Variants in RYR2 observed in about 807,000 individuals in gnomAD.
RYR2 encodes ryanodine receptor 2, also known as cardiac muscle ryanodine receptor-calcium release channel.
In RYR2, 227 loss-of-function variants were observed where a neutral mutation model predicts 601.1. That is an observed-to-expected ratio of 0.38 (90% CI 0.34 to 0.42). The LOEUF (loss-of-function observed/expected upper bound fraction) is 0.42. Among genes scored for constraint, RYR2 ranks in the 10% least tolerant of loss-of-function variants. The pLI, the probability that RYR2 is intolerant of heterozygous loss-of-function variation, is 1.00. For synonymous variants in RYR2, 2,223 were observed against 2,175.1 expected, an observed-to-expected ratio of 1.02 and a Z score of -0.61; for missense variants, 4,646 against 6,156.5, an observed-to-expected ratio of 0.75 and a Z score of 8.21.
chr1:237,390,830 T>C (rs1322413727), intron 10 of RYR2, among the ~76,000 whole-genome samples: 2 of 152,156 alleles, frequency 1.3e-5, no homozygotes, highest in African/African-American at 4.8e-5. Context: ...AACTTATTCT[T>C]AGTATGTAAT....
intron 34 of RYR2, among the ~76,000 whole-genome samples, chr1:237,595,939 G>A (rs1370084130): frequency 6.6e-6 from 1 of 152,022 alleles, no homozygotes; most frequent in Non-Finnish European, 1.5e-5. Flanking sequence ...AGATGCTGCT[G>A]ACATAAATTA....
At position 237,106,175 on chromosome 1, in the gene RYR2, G is replaced by A. The variant is rs919432553; in HGVS notation, c.48+63606G>A. On this transcript the variant is annotated intron_variant, in intron 1 of 104. Coordinates refer to ENST00000366574, the MANE Select transcript of RYR2 (RefSeq NM_001035.3). This position sits in a 1 kb window ranked among gnomAD's most constrained non-coding sequence, Gnocchi z 4.4. ...TCATTGCAATCCTTTGAGCTGAGGG[G>A]TAGCTCGTTCTGATTTTCATTCTGA... Among the ~76,000 whole-genome samples, 4 of 152,168 alleles carry A rather than the reference G, an allele frequency of 2.6e-5. No homozygotes were observed. Among genetic ancestry groups the A allele is most frequent in the Admixed American group, 2.0e-4 (3 of 15,278 alleles).
chr1:237,832,533 A>G lies in RYR2; in HGVS notation c.14809-19A>G. On this transcript the variant is annotated intron_variant, in intron 104 of 104. Transcript: ENST00000366574. ...CACACTTTGGGGAAAATGTTAATACATTTCCTTGACTTTTGCAGGAATCTT... is the reference window on the plus strand; with the variant it reads ...CACACTTTGGGGAAAATGTTAATACGTTTCCTTGACTTTTGCAGGAATCTT... The G allele has an allele frequency of 6.5e-7, 1 of 1,549,696 alleles. No homozygotes were observed. The highest frequency in any genetic ancestry group is 8.9e-7 in the Non-Finnish European group (1 of 1,124,750).
intron 38 of RYR2, among the ~76,000 whole-genome samples, chr1:237,622,583 G>A (rs549967370): frequency 6.6e-6 from 1 of 152,198 alleles, no homozygotes; most frequent in Non-Finnish European, 1.5e-5. Context: ...CTATCTGTGG[G>A]TTCTGCATCT....
intron 40 of RYR2, among the ~76,000 whole-genome samples, chr1:237,626,521 CAA>C (rs1679665661): frequency 1.4e-5 from 2 of 146,270 alleles, no homozygotes; most frequent in East Asian, 4.1e-4. Context: ...AAATTTGAGT[CAA>C]GTTTTCTTTA....
chr1:237,497,641 G>A lies in RYR2; in HGVS notation c.2203+889G>A, dbSNP rs961204333. Among the ~76,000 whole-genome samples the A allele has an allele frequency of 8.9e-4, 136 of 152,236 alleles. 1 individual carries two copies. Among genetic ancestry groups the A allele is most frequent in the African/African-American group, 3.1e-3 (130 of 41,534 alleles). On this transcript the variant is annotated intron_variant, in intron 20 of 104. Coordinates refer to ENST00000366574, the MANE Select transcript of RYR2 (RefSeq NM_001035.3). ...AAAGCTGAACTTTGCCTCATGTGGA[G>A]TACAAATGATAGACATTTATGAATG...
At chr1:237,072,498 T>G (rs1344180875) in intron 1 of RYR2, among the ~76,000 whole-genome samples, 1 of 152,078 alleles carries the variant, frequency 6.6e-6, no homozygotes, top group Non-Finnish European at 1.5e-5. Flanking sequence ...AGAGATTTTT[T>G]CTTTAGTGCA....
At chr1:237,415,632 C>T (rs11581397) in intron 10 of RYR2, among the ~76,000 whole-genome samples, 46,452 of 151,920 alleles carry the variant, frequency 0.31, 7,634 homozygotes, top group East Asian at 0.43. Context: ...GAAAGTCCTC[C>T]AGGACATATG....
chr1:237,646,455 G>A (rs1682167875), intron 48 of RYR2, among the ~76,000 whole-genome samples: 1 of 152,070 alleles, frequency 6.6e-6, no homozygotes, highest in African/African-American at 2.4e-5. Flanking sequence ...TGCATTCACT[G>A]CAGAGCTTCA....
At chr1:237,148,824 T>C (rs1674371393) in intron 1 of RYR2, among the ~76,000 whole-genome samples, 1 of 152,108 alleles carries the variant, frequency 6.6e-6, no homozygotes, top group Admixed American at 6.6e-5. Flanking sequence ...ACAGTAGGCA[T>C]TAAATACTAA....
chr1:237,671,847 A>G (rs1367027129), intron 58 of RYR2, among the ~76,000 whole-genome samples: 2 of 152,118 alleles, frequency 1.3e-5, no homozygotes, highest in Non-Finnish European at 2.9e-5. Flanking sequence ...TTAGTAAAAA[A>G]TGTTATTTTC....
intron 27 of RYR2, among the ~76,000 whole-genome samples, chr1:237,552,977 AGT>A (rs1670553647): frequency 6.6e-6 from 1 of 152,016 alleles, no homozygotes; most frequent in Non-Finnish European, 1.5e-5. Flanking sequence ...TGTTTCTAAA[AGT>A]ATATTTTGGA....
Position 237,614,463 on chromosome 1 carries a change from A to C in RYR2, c.5335A>C (p.Ser1779Arg). The change falls in exon 37 of 105, where the codon AGT becomes CGT. Residue 1779 changes from serine to arginine, a missense_variant. Physicochemically the swap from Ser to Arg is moderately radical, Grantham distance 110 (BLOSUM62 -1). Around this residue, in one of 17 missense-constraint regions of RYR2, gnomAD observed 1,807 missense variants for 2,088.1 expected, o/e 0.87. Coordinates refer to ENST00000366574, the MANE Select transcript of RYR2 (RefSeq NM_001035.3). This position sits in a 1 kb window ranked among gnomAD's most constrained non-coding sequence, Gnocchi z 4.3. Reference protein sequence around the residue: ...VSISNECYQYSPEFPLDILKS... With the variant: ...VSISNECYQYRPEFPLDILKS... ...CATTAGTAATGAATGTTACCAGTAC[A>C]GTCCAGAGTTCCCACTGGACATCCT... The C allele has an allele frequency of 6.2e-7, 1 of 1,614,082 alleles. No homozygotes were observed. The highest frequency in any genetic ancestry group is 8.5e-7 in the Non-Finnish European group (1 of 1,179,902).
chr1:237,813,480 A>C (rs1337742104), intron 100 of RYR2, among the ~76,000 whole-genome samples: 1 of 152,200 alleles, frequency 6.6e-6, no homozygotes. Context: ...AGACCCCAGC[A>C]ACATCCTGGT....
intron 1 of RYR2, among the ~76,000 whole-genome samples, chr1:237,225,319 T>TAAAGAGATGCCCAA (rs553322845): frequency 1.1e-3 from 172 of 152,288 alleles, no homozygotes; most frequent in African/African-American, 4.0e-3. Context: ...GCGCTGCTCA[T>TAAAGAGATGCCCAA]AAAGAGATGC....
chr1:237,278,329 G>A (rs1165178736), intron 2 of RYR2, among the ~76,000 whole-genome samples: 6 of 137,070 alleles, frequency 4.4e-5, no homozygotes, highest in Non-Finnish European at 6.1e-5. Flanking sequence ...GGGCTCAAGC[G>A]ATCTTCCTTC....
chr1:237,195,508 C>T (rs1245173448), intron 1 of RYR2, among the ~76,000 whole-genome samples: 1 of 152,202 alleles, frequency 6.6e-6, no homozygotes. Context: ...CCACCTTGGC[C>T]TCCCAAAGTG....
chr1:237,595,537 G>C lies in RYR2; in HGVS notation c.4476G>C (p.Glu1492Asp), dbSNP rs1294272754. The change falls in exon 34 of 105, where the codon GAG (glutamate) becomes GAC (aspartate). Residue 1492 changes from glutamate to aspartate, a missense_variant. Glu to Asp is a conservative substitution (Grantham distance 45). Around this residue, in one of 17 missense-constraint regions of RYR2, gnomAD observed 1,807 missense variants for 2,088.1 expected, o/e 0.87. Coordinates refer to ENST00000366574, the MANE Select transcript of RYR2 (RefSeq NM_001035.3). ...RSNCYMVCAGESMSPGQGRNN... is the reference protein window; with the variant it reads ...RSNCYMVCAGDSMSPGQGRNN... ...ACTGCTATATGGTATGTGCGGGTGA[G>C]AGCATGAGCCCCGGGCAAGGACGCA... 1 of 1,613,650 alleles carries C rather than the reference G, an allele frequency of 6.2e-7. No homozygotes were observed. Among genetic ancestry groups the C allele is most frequent in the African/African-American group, 1.3e-5 (1 of 75,030 alleles).
chr1:237,337,177 G>A (rs532857317), intron 3 of RYR2, among the ~76,000 whole-genome samples: 11 of 150,990 alleles, frequency 7.3e-5, no homozygotes, highest in African/African-American at 1.5e-4. Flanking sequence ...ACTTGAACCC[G>A]GGAGGCGGAT....
Sources: allele counts gnomAD v4.1 joint callset (sites outside exome capture counted in the v4.1 genomes callset), GRCh38; gene constraint gnomAD v4.1.1; regional missense constraint gnomAD v4.1.1; non-coding constraint Gnocchi (gnomAD v3.1); transcripts MANE v1.5; gene names NCBI Gene and HGNC (gene_info 2026-07-23, HGNC 2026-07-21).